The following USP34 variants were observed in gnomAD, a reference collection of about 807,000 sequenced individuals.
USP34 encodes ubiquitin carboxyl-terminal hydrolase 34.
A neutral mutation model predicts 460.3 loss-of-function variants in USP34; 70 were observed. The observed-to-expected ratio is 0.15, with a 90% CI of 0.13 to 0.19. The LOEUF is 0.19. USP34 is among the 10% of genes least tolerant of loss of function. The pLI is 1.00. For missense variants in USP34, 3,985 were observed against 4,236.2 expected (o/e 0.94, Z 1.65); for synonymous variants, 1,647 against 1,405.3 (o/e 1.17, Z -3.85).
At chr2:61,421,112 G>C (rs949669388) in intron 1 of USP34, among the ~76,000 whole-genome samples, 1 of 152,120 alleles carries the variant, frequency 6.6e-6, no homozygotes, top group East Asian at 1.9e-4. Context: ...CTGAGGCTGG[G>C]ACCATGCAAT....
intron 78 of USP34, 107 bp from the exon 79 acceptor site, chr2:61,189,176 T>TAGGA: frequency 7.5e-6 from 9 of 1,196,502 alleles, no homozygotes; most frequent in Non-Finnish European, 1.0e-5. Flanking sequence ...CATTCTTTCC[T>TAGGA]AAGAATACCC....
chr2:61,358,381 A>T (rs936591046), intron 10 of USP34, among the ~76,000 whole-genome samples: 4 of 152,084 alleles, frequency 2.6e-5, no homozygotes, highest in Non-Finnish European at 5.9e-5. Context: ...GTTCTAAAAA[A>T]ATTATGAGAT....
At chr2:61,193,999 A>T in intron 75 of USP34, 1 of 491,072 alleles carries the variant, frequency 2.0e-6, no homozygotes, top group Non-Finnish European at 2.6e-6. Flanking sequence ...AAAATATTCT[A>T]TATTAAAAAA....
chr2:61,453,450 C>G (rs1487793552), intron 1 of USP34, among the ~76,000 whole-genome samples: 1 of 151,990 alleles, frequency 6.6e-6, no homozygotes, highest in Non-Finnish European at 1.5e-5. Flanking sequence ...TGGCTTGTGC[C>G]TGTAATCCCA....
intron 6 of USP34, among the ~76,000 whole-genome samples, chr2:61,382,816 C>T (rs983274699): frequency 6.6e-6 from 1 of 152,116 alleles, no homozygotes; most frequent in African/African-American, 2.4e-5. Context: ...CTGTAACCCA[C>T]CCCCTAGAAC....
intron 10 of USP34, among the ~76,000 whole-genome samples, chr2:61,361,971 T>A (rs893004854): frequency 1.3e-5 from 2 of 151,096 alleles, no homozygotes; most frequent in Non-Finnish European, 3.0e-5. Flanking sequence ...AGCAAAAAAA[T>A]AATAAATAAA....
chr2:61,408,043 A>C (rs1693932499), intron 2 of USP34, among the ~76,000 whole-genome samples: 1 of 152,176 alleles, frequency 6.6e-6, no homozygotes, highest in Non-Finnish European at 1.5e-5. Flanking sequence ...TGAACCGGGG[A>C]AACAAAGATT....
intron 10 of USP34, among the ~76,000 whole-genome samples, chr2:61,366,625 C>T (rs748738989): frequency 3.9e-5 from 6 of 152,052 alleles, no homozygotes; most frequent in Non-Finnish European, 8.8e-5. Context: ...GAGAAAAGTA[C>T]GAGTAGTTAT....
intron 70 of USP34, chr2:61,207,363 C>G (rs1465035983): frequency 6.5e-6 from 1 of 153,664 alleles, no homozygotes; most frequent in Non-Finnish European, 1.4e-5. Context: ...CTTGTTAAAT[C>G]TTTTAATTCC....
At chr2:61,248,443 T>A (rs1688482152) in intron 49 of USP34, 68 bp downstream of exon 49, 1 of 1,459,252 alleles carries the variant, frequency 6.9e-7, no homozygotes, top group Admixed American at 2.3e-5. Context: ...GACAACTTTA[T>A]AATTATGCCT....
intron 1 of USP34, among the ~76,000 whole-genome samples, chr2:61,426,443 A>G (rs552135911): frequency 1.7e-4 from 26 of 152,172 alleles, no homozygotes; most frequent in African/African-American, 5.8e-4. Flanking sequence ...TTAGAGAAAC[A>G]TCGGTGAGTC....
rs558124194 is a variant in USP34 at position 61,422,321 on chromosome 2, TCTAACAAAAAACACA to T, written c.44-1503_44-1489del. ...AGTGGCTACAACCATCATATCCTACTCTAACAAAAAACACACACGGCACACATTCTGAAAAAAAGT... is the reference window on the plus strand; with the variant it reads ...AGTGGCTACAACCATCATATCCTACTCACGGCACACATTCTGAAAAAAAGT... On this transcript the variant is annotated intron_variant, in intron 1 of 79. Coordinates refer to ENST00000398571, the MANE Select transcript of USP34 (RefSeq NM_014709.4). 3.0e-3 allele frequency among the ~76,000 whole-genome samples: 463 copies of T among 152,170 alleles called. 3 individuals carry two copies. Among genetic ancestry groups the T allele is most frequent in the African/African-American group, 0.011 (438 of 41,522 alleles).
chr2:61,196,944 G>T (rs989718237), intron 75 of USP34, among the ~76,000 whole-genome samples: 1 of 152,162 alleles, frequency 6.6e-6, no homozygotes, highest in Admixed American at 6.5e-5. Flanking sequence ...TCACTTTGAA[G>T]TGGTATTCTG....
At chr2:61,301,556 T>C in intron 27 of USP34, 102 bp from the exon 28 acceptor site, 1 of 1,000,838 alleles carries the variant, frequency 1.0e-6, no homozygotes, top group East Asian at 2.4e-5. Context: ...GTATGTTAAG[T>C]TTAAATGTAA....
intron 1 of USP34, among the ~76,000 whole-genome samples, chr2:61,442,420 AAG>A (rs1553392265): frequency 6.6e-6 from 1 of 151,576 alleles, no homozygotes; most frequent in South Asian, 2.1e-4. Context: ...AAAAAAAAAA[AAG>A]AAAAAATCCA....
intron 1 of USP34, among the ~76,000 whole-genome samples, chr2:61,469,470 T>A (rs1453202542): frequency 6.6e-6 from 1 of 152,220 alleles, no homozygotes; most frequent in African/African-American, 2.4e-5. Flanking sequence ...TACTGGAACC[T>A]CTAGTTGGAA....
chr2:61,342,698 G>A (rs1302571463), intron 16 of USP34, among the ~76,000 whole-genome samples: 2 of 152,068 alleles, frequency 1.3e-5, no homozygotes, highest in Non-Finnish European at 2.9e-5. Flanking sequence ...TTACTCTGTT[G>A]GAGGAGGTCT....
intron 1 of USP34, among the ~76,000 whole-genome samples, chr2:61,421,801 G>GCA (rs1694366781): frequency 6.6e-6 from 1 of 150,738 alleles, no homozygotes; most frequent in South Asian, 2.1e-4. Flanking sequence ...ACACACACGC[G>GCA]CGCGCGCGCA....
At position 61,281,213 on chromosome 2, in the gene USP34, A is replaced by G. The variant is rs1321773737; in HGVS notation, c.5028T>C (p.Gly1676=). 6.2e-7 allele frequency: 1 copy of G among 1,613,996 alleles called. No homozygotes were observed. Among genetic ancestry groups the G allele is most frequent in the Non-Finnish European group, 8.5e-7 (1 of 1,179,934 alleles). The change falls in exon 38 of 80, where the codon GGT becomes GGC. Residue 1676 remains glycine, a synonymous_variant. Transcript: ENST00000398571. ...GCCCTGACAGGGATAACTTATAGAG[A>G]CCACTGCATGATTCATGACGAACTG... is the stretch of plus-strand genomic sequence containing the variant. The part of the protein sequence containing the change: ...ETAVRHESCS[G]LYKLSLSGLD...
Sources: gnomAD v4.1 joint callset for allele counts (sites outside exome capture counted in the v4.1 genomes callset) on GRCh38, gnomAD v4.1.1 for gene constraint, MANE v1.5 for transcripts, NCBI Gene and HGNC (gene_info 2026-07-23, HGNC 2026-07-21) for gene names.